The following DIAPH1 variants were observed in gnomAD, a reference collection of about 807,000 sequenced individuals.
DIAPH1 encodes the protein diaphanous related formin 1.
In DIAPH1, 46 loss-of-function variants were observed where a neutral mutation model predicts 140.7. The ratio of observed to expected loss-of-function variants is 0.33; its 90% CI spans 0.26 to 0.42. DIAPH1 has a LOEUF of 0.42. DIAPH1 is among the 10% of genes least tolerant of loss of function. The pLI, the probability that DIAPH1 is intolerant of heterozygous loss-of-function variation, is 1.00. For missense variants in DIAPH1, 1,310 were observed against 1,558.7 expected (o/e 0.84, Z 2.69); for synonymous variants, 565 against 551.6 (o/e 1.02, Z -0.34).
chr5:141,528,817 C>A lies in DIAPH1; in HGVS notation c.2903G>T (p.Arg968Leu). Residue 968 changes from arginine (R) to leucine (L), a missense_variant, in exon 22 of 28, where the codon CGT becomes CTT. Coordinates refer to ENST00000389054, the MANE Select transcript of DIAPH1 (RefSeq NM_005219.5). ...GAGATTGGAAAAGCTCTCACTCTTA[C>A]GTAACTCCTCACATGCAGCAGTGAC... Reference protein sequence around the residue: ...VSVTAACEELRKSESFSNLLE... With the variant: ...VSVTAACEELLKSESFSNLLE... The A allele has an allele frequency of 1.2e-6, 2 of 1,614,238 alleles. No individual in the cohort carries two copies. The highest frequency in any genetic ancestry group is 1.7e-6 in the Non-Finnish European group (2 of 1,180,038).
rs189766921 is a variant in DIAPH1, at chr5:141,546,471, C to T, written c.2483-12038G>A. Reference sequence around the variant, plus strand: ...AGGAGTTCAAGACCAGCCTGCCCAACGTGGTGAAACCCCGTCTCTACTAAA... The same window carrying T: ...AGGAGTTCAAGACCAGCCTGCCCAATGTGGTGAAACCCCGTCTCTACTAAA... On this transcript the variant is annotated intron_variant, in intron 18 of 27. Coordinates refer to ENST00000389054, the MANE Select transcript of DIAPH1 (RefSeq NM_005219.5). 1.7e-3 allele frequency among the ~76,000 whole-genome samples: 265 copies of T among 152,130 alleles called. 2 individuals are homozygous for T. Among genetic ancestry groups the T allele is most frequent in the African/African-American group, 6.1e-3 (254 of 41,486 alleles).
chr5:141,604,369 C>T (rs976991994), intron 1 of DIAPH1, among the ~76,000 whole-genome samples: 1 of 152,204 alleles, frequency 6.6e-6, no homozygotes, highest in Non-Finnish European at 1.5e-5. Flanking sequence ...CTCTTCCTTT[C>T]TTACTAGGCC....
At position 141,533,259 on chromosome 5, in the gene DIAPH1, A is replaced by G. The variant is rs75821487; in HGVS notation, c.2581+1076T>C. On this transcript the variant is annotated intron_variant, in intron 19 of 27. Coordinates refer to ENST00000389054, the MANE Select transcript of DIAPH1 (RefSeq NM_005219.5). ...GCAGACCCTGAAATATTTGTCAAAT[A>G]AATATTTAAGTCTATATTTCTTGGT... Among the ~76,000 whole-genome samples, 13 of 152,368 alleles carry G rather than the reference A, an allele frequency of 8.5e-5. No homozygotes were observed. In the East Asian group the frequency reaches 2.3e-3, roughly 27 times the overall value.
chr5:141,590,951 C>T (rs1443536630), intron 1 of DIAPH1, among the ~76,000 whole-genome samples: 1 of 152,122 alleles, frequency 6.6e-6, no homozygotes, highest in Non-Finnish European at 1.5e-5. Context: ...ATACTATATC[C>T]AAGAGGAAAT....
At chr5:141,608,502 G>A (rs990694936) in intron 1 of DIAPH1, among the ~76,000 whole-genome samples, 2 of 152,112 alleles carry the variant, frequency 1.3e-5, no homozygotes, top group African/African-American at 2.4e-5. Flanking sequence ...TTTTATAGAC[G>A]TGGTTGAAAT....
intron 1 of DIAPH1, among the ~76,000 whole-genome samples, chr5:141,590,761 G>A (rs934926973): frequency 6.6e-6 from 1 of 151,764 alleles, no homozygotes; most frequent in African/African-American, 2.4e-5. Context: ...AAAAGGGTGG[G>A]GGGTAACCAG....
intron 1 of DIAPH1, among the ~76,000 whole-genome samples, chr5:141,606,856 T>C (rs1010981330): frequency 5.3e-5 from 8 of 151,952 alleles, no homozygotes; most frequent in African/African-American, 1.7e-4. Flanking sequence ...CTCTGCCCCA[T>C]AGTTACTTTG....
In DIAPH1 at chr5:141,618,686, G is replaced by A. The variant is rs555788362; in HGVS notation, c.117+112C>T. The stretch of plus-strand genomic sequence containing the variant: ...GCTGCGGACCGAGCGAAACGAGGAA[G>A]GAAGGCGCGGGGGCGGCTCCCCAAA... On this transcript the variant is annotated intron_variant, in intron 1 of 27. Coordinates refer to ENST00000389054, the MANE Select transcript of DIAPH1 (RefSeq NM_005219.5). The A allele has an allele frequency of 4.4e-4, 301 of 683,852 alleles. 1 individual carries two copies. The highest frequency in any genetic ancestry group is 3.6e-3 in the African/African-American group (188 of 52,914). 42.4% of individuals were successfully genotyped at this position (683,852 alleles called of 1,614,324 possible). A position where few individuals can be genotyped will look rare whatever the true frequency, so the allele number is the denominator to read the frequency against.
chr5:141,550,094 T>G (rs1219820475), intron 18 of DIAPH1, among the ~76,000 whole-genome samples: 1 of 152,072 alleles, frequency 6.6e-6, no homozygotes, highest in Non-Finnish European at 1.5e-5. Context: ...AAAATAGTCT[T>G]TAAGGTAACA....
intron 18 of DIAPH1, among the ~76,000 whole-genome samples, chr5:141,546,317 G>A (rs2099890790): frequency 6.6e-6 from 1 of 152,076 alleles, no homozygotes; most frequent in Admixed American, 6.5e-5. Context: ...AGGAGGCAGA[G>A]GCTGAAGTGA....
intron 18 of DIAPH1, among the ~76,000 whole-genome samples, chr5:141,553,180 T>TA (rs2099892003): frequency 6.6e-6 from 1 of 152,086 alleles, no homozygotes; most frequent in African/African-American, 2.4e-5. Context: ...TAACCCCAGC[T>TA]ACCTGGGAAG....
At chr5:141,536,141 A>G (rs750146573) in intron 18 of DIAPH1, 23 of 386,208 alleles carry the variant, frequency 6.0e-5, no homozygotes, top group Non-Finnish European at 1.1e-4. Context: ...CTCTATAAAA[A>G]AAGTTCAAAA....
At chr5:141,563,700 T>A (rs777294954) in intron 18 of DIAPH1, 3 of 152,208 alleles carry the variant, frequency 2.0e-5, no homozygotes, top group Non-Finnish European at 2.9e-5. Flanking sequence ...AGATACCATT[T>A]CAGTCTATAT....
chr5:141,536,959 C>T (rs1383113253), intron 18 of DIAPH1, among the ~76,000 whole-genome samples: 1 of 151,936 alleles, frequency 6.6e-6, no homozygotes, highest in Non-Finnish European at 1.5e-5. Flanking sequence ...CACTTGAGTC[C>T]AGGTGTTTGA....
chr5:141,576,421 C>T (rs747486657), intron 13 of DIAPH1, 127 bp from the exon 14 acceptor site: 13 of 838,874 alleles, frequency 1.5e-5, no homozygotes, highest in Non-Finnish European at 2.6e-5. Context: ...CTGCACTAGA[C>T]AAAGAAATGG....
At chr5:141,594,762 C>T (rs1596399609) in intron 1 of DIAPH1, among the ~76,000 whole-genome samples, 1 of 150,612 alleles carries the variant, frequency 6.6e-6, no homozygotes, top group Non-Finnish European at 1.5e-5. Flanking sequence ...AAAAGGCGGC[C>T]AGGTGCGGTG....
intron 14 of DIAPH1, 28 bp from the exon 15 acceptor site, chr5:141,575,174 GC>G: frequency 1.2e-6 from 2 of 1,612,236 alleles, no homozygotes; most frequent in Non-Finnish European, 1.7e-6. Flanking sequence ...CAGGCTCCCA[GC>G]AAGCTCTCCA....
chr5:141,576,471 T>TA (rs1329897788), intron 13 of DIAPH1, among the ~76,000 whole-genome samples, 177 bp from the exon 14 acceptor site: 1 of 152,214 alleles, frequency 6.6e-6, no homozygotes, highest in Non-Finnish European at 1.5e-5. Context: ...GAGTGTGCGG[T>TA]AAGGCCACCA....
chr5:141,544,036 C>T (rs1596352447), intron 18 of DIAPH1, among the ~76,000 whole-genome samples: 2 of 152,134 alleles, frequency 1.3e-5, no homozygotes, highest in East Asian at 1.9e-4. Flanking sequence ...ATCGGCCGGG[C>T]GCGGTGGCTC....
Sources: allele counts gnomAD v4.1 joint callset (sites outside exome capture counted in the v4.1 genomes callset), GRCh38; gene constraint gnomAD v4.1.1; transcripts MANE v1.5; gene names NCBI Gene and HGNC (gene_info 2026-07-23, HGNC 2026-07-21).